Variants in GPC4 observed in about 807,000 individuals in gnomAD.
GPC4 encodes the protein glypican 4, also known as glypican-4.
Under a neutral mutation model 35.0 loss-of-function variants are expected in GPC4, and 10 were observed. The observed-to-expected ratio is 0.29, with a 90% confidence interval of 0.18 to 0.48. The LOEUF is 0.48. Ranked by LOEUF, GPC4 falls within the 20% of genes least tolerant of loss-of-function variation. GPC4 has a pLI of 0.99. For synonymous variants in GPC4, 167 were observed against 170.2 expected (o/e 0.98, Z 0.15); for missense variants, 322 against 451.3 (o/e 0.71, Z 2.60).
chrX:133,334,951 G>A (rs1216648074), intron 2 of GPC4, among the ~76,000 whole-genome samples: 1 of 111,972 alleles, frequency 8.9e-6, no homozygotes, highest in Non-Finnish European at 1.9e-5. Flanking sequence ...CATGGCAGCT[G>A]TAATCACCTT....
chrX:133,319,862 C>T (rs1011904734), intron 3 of GPC4, among the ~76,000 whole-genome samples: 24 of 111,665 alleles, frequency 2.1e-4, no homozygotes, highest in Non-Finnish European at 3.9e-4. Flanking sequence ...CTGTCATACT[C>T]CAAAAATTAA....
intron 2 of GPC4, among the ~76,000 whole-genome samples, chrX:133,332,441 C>T (rs959248984): frequency 9.0e-6 from 1 of 111,178 alleles, no homozygotes; most frequent in Non-Finnish European, 1.9e-5. Context: ...GCTCTGTCAC[C>T]CAGGCTGGAG....
At chrX:133,352,024 T>C (rs1457331166) in intron 1 of GPC4, among the ~76,000 whole-genome samples, 2 of 112,211 alleles carry the variant, frequency 1.8e-5, no homozygotes, top group African/African-American at 6.5e-5. Context: ...ATGGATTTTA[T>C]TGTTGTTCTC....
intron 1 of GPC4, among the ~76,000 whole-genome samples, chrX:133,359,082 G>C (rs1256070163): frequency 9.0e-6 from 1 of 111,396 alleles, no homozygotes; most frequent in Non-Finnish European, 1.9e-5. Flanking sequence ...GTAGTACATA[G>C]GACTTAGGAC....
chrX:133,367,491 A>C (rs1018914614), intron 1 of GPC4, among the ~76,000 whole-genome samples: 2 of 112,512 alleles, frequency 1.8e-5, no homozygotes, highest in African/African-American at 6.5e-5. Context: ...CTTTCTGTGA[A>C]TATACTGTTT....
intron 1 of GPC4, among the ~76,000 whole-genome samples, chrX:133,414,138 G>C (rs2068826160): frequency 9.0e-6 from 1 of 111,250 alleles, no homozygotes; most frequent in African/African-American, 3.3e-5. Context: ...GTTCCCAAAA[G>C]TCAGGGTTTG....
chrX:133,321,028 C>G (rs373207485), intron 3 of GPC4, among the ~76,000 whole-genome samples: 1 of 111,651 alleles, frequency 9.0e-6, no homozygotes, highest in East Asian at 2.8e-4. Flanking sequence ...GGTGAAAGAG[C>G]AAGATCCTGC....
At chrX:133,374,896 T>G (rs778633952) in intron 1 of GPC4, among the ~76,000 whole-genome samples, 1 of 112,468 alleles carries the variant, frequency 8.9e-6, no homozygotes, top group East Asian at 2.8e-4. Context: ...TTGATGAACC[T>G]TGTTGGTTTA....
intron 3 of GPC4, among the ~76,000 whole-genome samples, chrX:133,317,043 A>G (rs1002386489): frequency 1.8e-5 from 2 of 111,944 alleles, no homozygotes; most frequent in Non-Finnish European, 3.8e-5. Flanking sequence ...TAGAAAGGGA[A>G]TATCATCTGG....
At chrX:133,404,472 G>A (rs1319636569) in intron 1 of GPC4, among the ~76,000 whole-genome samples, 2 of 101,299 alleles carry the variant, frequency 2.0e-5, no homozygotes, top group African/African-American at 7.7e-5. Context: ...GCTTGAACCC[G>A]GGAGGCGGAG....
chrX:133,363,618 T>C (rs1172967621), intron 1 of GPC4, among the ~76,000 whole-genome samples: 2 of 111,454 alleles, frequency 1.8e-5, no homozygotes, highest in African/African-American at 6.5e-5. Flanking sequence ...AATAATGTCC[T>C]GCTGGGCATG....
intron 7 of GPC4, among the ~76,000 whole-genome samples, chrX:133,303,630 T>C (rs1238819951): frequency 1.8e-5 from 2 of 110,748 alleles, no homozygotes; most frequent in Non-Finnish European, 3.8e-5. Context: ...GGTGGGTGGA[T>C]CACTTGAGGT....
At position 133,311,363 on chromosome X, in the gene GPC4, G is replaced by A. The variant is rs199910189; in HGVS notation, c.772C>T (p.Arg258Trp). 7.0e-4 allele frequency: 843 copies of A among 1,208,873 alleles called. No homozygotes were observed. The highest frequency in any genetic ancestry group is 8.8e-4 in the Non-Finnish European group (787 of 894,111). Reference protein sequence around the residue: ...LLKMIYCSHCRGLVTVKPCYN... With the variant: ...LLKMIYCSHCWGLVTVKPCYN... Reference sequence around the variant, plus strand: ...CATGGCTTCACAGTCACGAGACCCCGGCAGTGGGAGCAGTAGATCATCTTC... The same window carrying A: ...CATGGCTTCACAGTCACGAGACCCCAGCAGTGGGAGCAGTAGATCATCTTC... The change falls in exon 4 of 9, where the codon CGG (arginine) becomes TGG (tryptophan). Residue 258 changes from arginine (R) to tryptophan (W), a missense_variant. Physicochemically the swap from Arg to Trp is moderately radical, Grantham distance 101. Coordinates refer to ENST00000370828, the MANE Select transcript of GPC4 (RefSeq NM_001448.3).
intron 1 of GPC4, among the ~76,000 whole-genome samples, chrX:133,369,364 C>A (rs770139467): frequency 9.0e-6 from 1 of 111,724 alleles, no homozygotes; most frequent in Non-Finnish European, 1.9e-5. Context: ...GAACAATTGT[C>A]GCTCAAATGA....
chrX:133,353,491 C>T (rs1298562063), intron 1 of GPC4, among the ~76,000 whole-genome samples: 4 of 111,690 alleles, frequency 3.6e-5, no homozygotes, highest in African/African-American at 9.8e-5. Context: ...GTGCTCATTC[C>T]GTTACTTCAA....
At chrX:133,354,579 T>TTTTTTA in intron 1 of GPC4, among the ~76,000 whole-genome samples, 4 of 107,301 alleles carry the variant, frequency 3.7e-5, no homozygotes, top group Non-Finnish European at 7.7e-5. Context: ...TTTTTTTTTT[T>TTTTTTA]GAGACGGAGT....
chrX:133,404,638 T>C (rs111945292), intron 1 of GPC4, among the ~76,000 whole-genome samples: 1,666 of 108,051 alleles, frequency 0.015, 44 homozygotes, highest in African/African-American at 0.053. Flanking sequence ...CAGAATCACT[T>C]AAGGCCAGGA....
intron 1 of GPC4, among the ~76,000 whole-genome samples, chrX:133,356,580 G>A (rs2068542651): frequency 9.0e-6 from 1 of 110,827 alleles, no homozygotes; most frequent in African/African-American, 3.3e-5. Context: ...GAGAACTGTT[G>A]GCAAAGAGCT....
At chrX:133,308,062 C>A (rs1205564978) in intron 4 of GPC4, among the ~76,000 whole-genome samples, 2 of 112,062 alleles carry the variant, frequency 1.8e-5, no homozygotes, top group Non-Finnish European at 3.8e-5. Context: ...GAGCATTCTG[C>A]CTGCACTCTG....
Sources: allele counts gnomAD v4.1 joint callset (sites outside exome capture counted in the v4.1 genomes callset), GRCh38; gene constraint gnomAD v4.1.1; transcripts MANE v1.5; gene names NCBI Gene and HGNC (gene_info 2026-07-23, HGNC 2026-07-21).